Variants in NSUN7 observed in about 807,000 individuals in gnomAD.
The protein encoded by NSUN7 is protein NSUN7.
In NSUN7, 39 loss-of-function variants were observed where a neutral mutation model predicts 58.5. The ratio of observed to expected loss-of-function variants is 0.67; its 90% CI spans 0.52 to 0.87. The LOEUF (loss-of-function observed/expected upper bound fraction) is 0.87. Among genes scored for constraint, NSUN7 ranks in the 40% least tolerant of loss-of-function variants. NSUN7 has a pLI of 0.00. For synonymous variants in NSUN7, 278 were observed against 303.7 expected, an observed-to-expected ratio of 0.92 and a Z score of 0.88; for missense variants, 765 against 844.1, an observed-to-expected ratio of 0.91 and a Z score of 1.16.
At chr4:40,763,939 A>G (rs1336583284) in intron 4 of NSUN7, among the ~76,000 whole-genome samples, 1 of 152,224 alleles carries the variant, frequency 6.6e-6, no homozygotes, top group Admixed American at 6.5e-5. Context: ...ATAATATACT[A>G]TAGGAGAAAT....
chr4:40,796,868 C>T (rs181122517), intron 9 of NSUN7, among the ~76,000 whole-genome samples: 1 of 152,282 alleles, frequency 6.6e-6, no homozygotes, highest in Non-Finnish European at 1.5e-5. Flanking sequence ...ATGTCCTCCC[C>T]CTTTGTAAAA....
chr4:40,803,283 G>A (rs991461402), intron 10 of NSUN7, among the ~76,000 whole-genome samples: 11 of 152,208 alleles, frequency 7.2e-5, no homozygotes, highest in African/African-American at 2.6e-4. Context: ...ATGATTTATA[G>A]TCCTTTGGGT....
At chr4:40,798,130 A>G (rs76692802) in intron 9 of NSUN7, among the ~76,000 whole-genome samples, 1,610 of 152,204 alleles carry the variant, frequency 0.011, 32 homozygotes, top group African/African-American at 0.036. Flanking sequence ...TTTTCTCCAT[A>G]GCATTGATCA....
intron 7 of NSUN7, among the ~76,000 whole-genome samples, chr4:40,777,955 A>T (rs1742348790): frequency 6.6e-6 from 1 of 152,260 alleles, no homozygotes; most frequent in South Asian, 2.1e-4. Flanking sequence ...CTAAATGTCA[A>T]ATTTTAGAAT....
chr4:40,757,623 A>G (rs980876950), intron 2 of NSUN7, among the ~76,000 whole-genome samples: 4 of 146,224 alleles, frequency 2.7e-5, no homozygotes, highest in African/African-American at 1.0e-4. Context: ...GTGTGTATAT[A>G]TATATACATT....
rs150044593 is a variant in NSUN7 at position 40,758,429 on chromosome 4, A to G, written c.299-2005A>G. Among the ~76,000 whole-genome samples the G allele has an allele frequency of 3.0e-3, 460 of 152,310 alleles. 3 individuals are homozygous for G. The highest frequency in any genetic ancestry group is 0.01 in the Middle Eastern group (3 of 292). Reference sequence around the variant, plus strand: ...ATTACCTTGTGAAGTACAAGTACGTAATTGTGGCTAGAATGTGGATAACGA... The same window carrying G: ...ATTACCTTGTGAAGTACAAGTACGTGATTGTGGCTAGAATGTGGATAACGA... On this transcript the variant is annotated intron_variant, in intron 2 of 11. Transcript: ENST00000381782.
intron 7 of NSUN7, 72 bp downstream of exon 7, chr4:40,776,331 T>G (rs1438518306): frequency 1.9e-6 from 2 of 1,076,488 alleles, no homozygotes; most frequent in Admixed American, 2.4e-5. Context: ...AAGTTTTAAT[T>G]TATTAGTTTT....
At chr4:40,784,983 G>A (rs1351190959) in intron 7 of NSUN7, among the ~76,000 whole-genome samples, 1 of 152,168 alleles carries the variant, frequency 6.6e-6, no homozygotes, top group Admixed American at 6.5e-5. Context: ...ATTACTACAT[G>A]CTGGGCCAGG....
intron 4 of NSUN7, among the ~76,000 whole-genome samples, chr4:40,768,653 T>G (rs536479999): frequency 6.6e-6 from 1 of 152,200 alleles, no homozygotes; most frequent in African/African-American, 2.4e-5. Context: ...ACATGTATCT[T>G]TTTCTTCACT....
intron 4 of NSUN7, among the ~76,000 whole-genome samples, chr4:40,767,677 A>G (rs1370924632): frequency 6.6e-6 from 1 of 152,214 alleles, no homozygotes; most frequent in East Asian, 1.9e-4. Context: ...GCTTGAGCAA[A>G]AATGGAAAAG....
chr4:40,764,532 A>G (rs1340787964), intron 4 of NSUN7, among the ~76,000 whole-genome samples: 6 of 152,110 alleles, frequency 3.9e-5, no homozygotes, highest in South Asian at 4.1e-4. Context: ...TAGTGCTGCA[A>G]TAAACATACA....
At chr4:40,784,863 A>G (rs1369983343) in intron 7 of NSUN7, among the ~76,000 whole-genome samples, 2 of 152,214 alleles carry the variant, frequency 1.3e-5, no homozygotes, top group Non-Finnish European at 2.9e-5. Flanking sequence ...ACAAATTAGT[A>G]AGATAAGTAA....
rs746391493 is a variant in NSUN7, at chr4:40,798,782, T to C, written c.1283-5T>C. 7.9e-6 allele frequency: 12 copies of C among 1,525,160 alleles called. No homozygotes were observed. The South Asian group carries it at 1.3e-4, about 16-fold the overall frequency. 94.5% of individuals were successfully genotyped at this position (1,525,160 alleles called of 1,614,324 possible). ...TTACAGTCATTGCATCTTCTTCTAA[T>C]ATAGTTACTAAAGCTCAAGCAGTTG... On this transcript the variant is annotated splice_region_variant and splice_polypyrimidine_tract_variant and intron_variant, in intron 9 of 11. Transcript: ENST00000381782.
At chr4:40,801,136 C>G (rs1743562242) in intron 10 of NSUN7, among the ~76,000 whole-genome samples, 3 of 152,110 alleles carry the variant, frequency 2.0e-5, no homozygotes, top group Admixed American at 2.0e-4. Context: ...TAAACTCTTG[C>G]ATTGCCATGG....
intron 10 of NSUN7, among the ~76,000 whole-genome samples, chr4:40,799,757 A>AT (rs989563094): frequency 2.6e-5 from 4 of 152,178 alleles, no homozygotes; most frequent in Non-Finnish European, 5.9e-5. Context: ...ACTTCTTAGT[A>AT]CCCCAAAGTG....
chr4:40,772,809 C>T (rs1158923716), intron 4 of NSUN7, among the ~76,000 whole-genome samples: 2 of 152,164 alleles, frequency 1.3e-5, no homozygotes, highest in Non-Finnish European at 1.5e-5. Flanking sequence ...TCTGTACCAC[C>T]CACCAACCAC....
chr4:40,799,084 T>TTTTTG lies in NSUN7; in HGVS notation c.1400+184_1400+185insGTTTT, dbSNP rs1560563877. Reference sequence around the variant, plus strand: ...CATAGGGCCTTTTTCTTTTTTTTTTTTTTTTTTTTTTTTTTTTTAAAGATG... The same window carrying TTTTTG: ...CATAGGGCCTTTTTCTTTTTTTTTTTTTTTGTTTTTTTTTTTTTTTTTTAAAGATG... On this transcript the variant is annotated intron_variant, in intron 10 of 11. Transcript: ENST00000381782. Among the ~76,000 whole-genome samples, 13 of 139,292 alleles carry TTTTTG rather than the reference T, an allele frequency of 9.3e-5. 1 individual carries two copies. Among genetic ancestry groups the TTTTTG allele is most frequent in the Admixed American group, 5.8e-4 (8 of 13,896 alleles). 91.4% of individuals were successfully genotyped at this position (139,292 alleles called of 152,430 possible).
intron 7 of NSUN7, chr4:40,786,248 T>C (rs1189135930): frequency 1.2e-6 from 2 of 1,613,872 alleles, no homozygotes; most frequent in African/African-American, 2.7e-5. Flanking sequence ...AATGAATTTG[T>C]AAATACCGTA....
At chr4:40,799,517 T>C (rs971523956) in intron 10 of NSUN7, among the ~76,000 whole-genome samples, 1 of 151,422 alleles carries the variant, frequency 6.6e-6, no homozygotes, top group Admixed American at 6.6e-5. Flanking sequence ...AAAAAGAATA[T>C]GATATGGCAA....
Sources: gnomAD v4.1 joint callset for allele counts (sites outside exome capture counted in the v4.1 genomes callset) on GRCh38, gnomAD v4.1.1 for gene constraint, MANE v1.5 for transcripts, NCBI Gene and HGNC (gene_info 2026-07-23, HGNC 2026-07-21) for gene names.